Variants in VANGL1 observed in about 807,000 individuals in gnomAD.
The protein encoded by VANGL1 is VANGL planar cell polarity protein 1.
VANGL1 carries 18 observed loss-of-function variants against 48.4 expected under a neutral mutation model. The ratio of observed to expected loss-of-function variants is 0.37; its 90% confidence interval spans 0.26 to 0.55. The LOEUF (loss-of-function observed/expected upper bound fraction) is 0.55. Ranked by LOEUF, VANGL1 falls within the 20% of genes least tolerant of loss-of-function variation. VANGL1 has a pLI of 0.81. For synonymous variants in VANGL1, 257 were observed against 261.8 expected, an observed-to-expected ratio of 0.98 and a Z score of 0.18; for missense variants, 667 against 675.8, an observed-to-expected ratio of 0.99 and a Z score of 0.14.
rs1212193794 is a variant in VANGL1, at chr1:115,692,012, C to A, written c.*633C>A. 1 of 152,956 alleles carries A rather than the reference C, an allele frequency of 6.5e-6. No individual in the cohort carries two copies. The highest frequency in any genetic ancestry group is 1.5e-5 in the Non-Finnish European group (1 of 68,324). 9.5% of individuals were successfully genotyped at this position (152,956 alleles called of 1,614,324 possible). A position where few individuals can be genotyped will look rare whatever the true frequency, so the allele number is the denominator to read the frequency against. On this transcript the variant is annotated 3_prime_UTR_variant, in exon 8 of 8. Transcript: ENST00000355485. ...AAGAGAAAACCTACCTGCCCTGTTT[C>A]TGATCCCACCCCTCTGCTGGCTTGA...
intron 1 of VANGL1, among the ~76,000 whole-genome samples, chr1:115,648,511 G>T (rs1433779261): frequency 2.0e-5 from 3 of 152,208 alleles, no homozygotes; most frequent in Non-Finnish European, 4.4e-5. Flanking sequence ...GACAAGCCTG[G>T]AGTTGTCTTA....
chr1:115,667,924 G>A (rs189591170), intron 4 of VANGL1, among the ~76,000 whole-genome samples: 1 of 152,372 alleles, frequency 6.6e-6, no homozygotes, highest in Admixed American at 6.5e-5. Context: ...CTGGTTGAAT[G>A]TGAAATGGTA....
At position 115,692,580 on chromosome 1, in the gene VANGL1, C is replaced by CT. The variant is rs1653882759; in HGVS notation, c.*1202dup. ...AGTGGGGAGAAGGAAAATGGACACTCTACAGAGTTTGGGGAAGGGAGAGTA... is the reference window on the plus strand; with the variant it reads ...AGTGGGGAGAAGGAAAATGGACACTCTTACAGAGTTTGGGGAAGGGAGAGTA... On this transcript the variant is annotated 3_prime_UTR_variant, in exon 8 of 8. Transcript: ENST00000355485. 6.5e-6 allele frequency: 1 copy of CT among 152,732 alleles called. No homozygotes were observed. Among genetic ancestry groups the CT allele is most frequent in the African/African-American group, 2.4e-5 (1 of 41,442 alleles). 9.5% of individuals were successfully genotyped at this position (152,732 alleles called of 1,614,324 possible).
chr1:115,691,357 TAC>T lies in VANGL1; in HGVS notation c.1555_1556del (p.Gln519ValfsTer2). On this transcript the variant is annotated frameshift_variant, in exon 8 of 8. Transcript: ENST00000355485. LOFTEE classifies it high-confidence loss of function. ...AAATCTCACAAATTTGTCCTTCGCT[TAC>T]AGTCTGAGACATCCGTTTAAAAGTT... 3.1e-6 allele frequency: 5 copies of T among 1,614,110 alleles called. No homozygotes were observed. Among genetic ancestry groups the T allele is most frequent in the Non-Finnish European group, 4.2e-6 (5 of 1,180,034 alleles).
chr1:115,651,502 T>C lies in VANGL1; in HGVS notation c.71+18T>C. On this transcript the variant is annotated intron_variant, in intron 2 of 7. Transcript: ENST00000355485. ...AGACAAGGGTATGTAAGTTGTTCAT[T>C]ATTACACTTTTCCTTTTGGGGAAAC... is the stretch of plus-strand genomic sequence containing the variant. 6.2e-7 allele frequency: 1 copy of C among 1,610,680 alleles called. No homozygotes were observed. The highest frequency in any genetic ancestry group is 1.1e-5 in the South Asian group (1 of 90,990).
At position 115,695,613 on chromosome 1, in the gene VANGL1, C is replaced by T. The variant is rs1411698930; in HGVS notation, c.*4234C>T. 1 of 152,256 alleles carries T rather than the reference C, an allele frequency of 6.6e-6. No homozygotes were observed. The highest frequency in any genetic ancestry group is 2.4e-5 in the African/African-American group (1 of 41,414). 9.4% of individuals were successfully genotyped at this position (152,256 alleles called of 1,614,324 possible). A position where few individuals can be genotyped will look rare whatever the true frequency, so the allele number is the denominator to read the frequency against. Reference sequence around the variant, plus strand: ...ACATTTTGACAAAACATGTTTTGGTCAAAGAAAGGAAAGGCTACTAACACA... The same window carrying T: ...ACATTTTGACAAAACATGTTTTGGTTAAAGAAAGGAAAGGCTACTAACACA... On this transcript the variant is annotated 3_prime_UTR_variant, in exon 8 of 8. Coordinates refer to ENST00000355485, the MANE Select transcript of VANGL1 (RefSeq NM_138959.3).
rs376802628 is a variant in VANGL1 at position 115,653,327 on chromosome 1, C to G, written c.71+1843C>G. On this transcript the variant is annotated intron_variant, in intron 2 of 7. Transcript: ENST00000355485. ...CAGAGCCCAGCTCCTGAGACAGTCA[C>G]AAACCCTCTGGCCATAAGAATTGAA... Among the ~76,000 whole-genome samples the G allele has an allele frequency of 1.8e-4, 28 of 152,174 alleles. 3 individuals are homozygous for G. The highest frequency in any genetic ancestry group is 1.6e-3 in the Admixed American group (24 of 15,280).
intron 4 of VANGL1, among the ~76,000 whole-genome samples, chr1:115,667,947 C>T (rs1345022876): frequency 6.6e-6 from 1 of 152,194 alleles, no homozygotes; most frequent in Non-Finnish European, 1.5e-5. Flanking sequence ...ACAACAGAGA[C>T]AGATAAAGAA....
chr1:115,643,201 G>A (rs1021459812), intron 1 of VANGL1, among the ~76,000 whole-genome samples: 3 of 152,218 alleles, frequency 2.0e-5, no homozygotes, highest in Non-Finnish European at 4.4e-5. Context: ...AACTGTAAAA[G>A]AATCTGGCAT....
intron 7 of VANGL1, 134 bp downstream of exon 7, chr1:115,685,661 ATTCTCACTTATTTTATG>A: frequency 1.1e-6 from 1 of 939,692 alleles, no homozygotes; most frequent in Non-Finnish European, 1.7e-6. Context: ...AGAATTAGTG[ATTCTCACTTATTTTATG>A]TTATGTTAGT....
chr1:115,654,498 T>TAAAAAAAAAAAAAAAAAAAAAA (rs869142756), intron 2 of VANGL1, among the ~76,000 whole-genome samples: 1 of 90,822 alleles, frequency 1.1e-5, no homozygotes, highest in Non-Finnish European at 2.1e-5. Context: ...TTGGTAGGGC[T>TAAAAAAAAAAAAAAAAAAAAAA]AAAAAAAAAA....
rs116775192 is a variant in VANGL1 at position 115,652,788 on chromosome 1, T to C, written c.71+1304T>C. On this transcript the variant is annotated intron_variant, in intron 2 of 7. Transcript: ENST00000355485. ...TTATTTACAAGCCCATCTGGATTAC[T>C]AACGTAGAAAGAGGTTTGGGAGGGT... is the stretch of plus-strand genomic sequence containing the variant. 3.9e-3 allele frequency among the ~76,000 whole-genome samples: 598 copies of C among 152,322 alleles called. 4 individuals are homozygous for C. Among genetic ancestry groups the C allele is most frequent in the African/African-American group, 0.014 (578 of 41,574 alleles).
Position 115,664,233 on chromosome 1 carries a change from T to C in VANGL1, c.777T>C (p.Asp259=). Residue 259 remains aspartate (D), a synonymous_variant, in exon 4 of 8, where the codon GAT becomes GAC. Coordinates refer to ENST00000355485, the MANE Select transcript of VANGL1 (RefSeq NM_138959.3). ...CGCTGCAGGTGGTCCGCTCCACCGA[T>C]GGCGAGTCCCGCTTCTACAGCCTGG... ...MFTLQVVRST[D]GESRFYSLGH... 1 of 1,613,984 alleles carries C rather than the reference T, an allele frequency of 6.2e-7. No homozygotes were observed. Among genetic ancestry groups the C allele is most frequent in the Non-Finnish European group, 8.5e-7 (1 of 1,179,932 alleles).
rs1422913602 is a variant in VANGL1, at chr1:115,694,370, G to GGT, written c.*2996_*2997dup. The GGT allele has an allele frequency of 6.6e-6, 1 of 152,168 alleles. No individual in the cohort carries two copies. Among genetic ancestry groups the GGT allele is most frequent in the Admixed American group, 6.5e-5 (1 of 15,274 alleles). 9.4% of individuals were successfully genotyped at this position (152,168 alleles called of 1,614,324 possible). On this transcript the variant is annotated 3_prime_UTR_variant, in exon 8 of 8. Coordinates refer to ENST00000355485, the MANE Select transcript of VANGL1 (RefSeq NM_138959.3). ...GCAAATGGTAAGAGGCAGGTGACCT[G>GGT]GTGTGTTTGCTGTGTTGTAGTTCAT...
chr1:115,654,028 G>A (rs1412430181), intron 2 of VANGL1, among the ~76,000 whole-genome samples: 2 of 152,128 alleles, frequency 1.3e-5, no homozygotes, highest in Non-Finnish European at 2.9e-5. Flanking sequence ...CTTTGCTGGG[G>A]CCTAAAGGAT....
intron 3 of VANGL1, among the ~76,000 whole-genome samples, chr1:115,661,862 C>T (rs1240321951): frequency 6.6e-6 from 1 of 152,176 alleles, no homozygotes; most frequent in Non-Finnish European, 1.5e-5. Flanking sequence ...AGGTGATTTG[C>T]CTGCCTTGGC....
rs914919758 is a variant in VANGL1 at position 115,688,566 on chromosome 1, C to G, written c.1315-2553C>G. Reference sequence around the variant, plus strand: ...ATACTTTTTTACATATGTATTTGTACAAGTATTTCTGAAGCCTAAGTTTCA... The same window carrying G: ...ATACTTTTTTACATATGTATTTGTAGAAGTATTTCTGAAGCCTAAGTTTCA... On this transcript the variant is annotated intron_variant, in intron 7 of 7. Transcript: ENST00000355485. Among the ~76,000 whole-genome samples, 2 of 137,804 alleles carry G rather than the reference C, an allele frequency of 1.5e-5. 1 individual carries two copies. The highest frequency in any genetic ancestry group is 3.2e-5 in the Non-Finnish European group (2 of 63,254). 90.4% of individuals were successfully genotyped at this position (137,804 alleles called of 152,430 possible).
At chr1:115,659,576 AT>A in intron 2 of VANGL1, 64 bp from the exon 3 acceptor site, 10 of 1,608,228 alleles carry the variant, frequency 6.2e-6, no homozygotes, top group South Asian at 2.2e-5. Context: ...TGATACTTAC[AT>A]TTTGATAAAC....
Position 115,664,002 on chromosome 1 carries a change from G to A in VANGL1, c.546G>A (p.Val182=), listed in dbSNP as rs143094973. ...AGCGGAGAGCTGACATGCCACGGGT[G>A]TTTGTGTTTCGTGCCCTTTTGTTGG... ...FRKRRADMPR[V]FVFRALLLVL... Residue 182 remains valine (V), a synonymous_variant, in exon 4 of 8, where the codon GTG becomes GTA. Coordinates refer to ENST00000355485, the MANE Select transcript of VANGL1 (RefSeq NM_138959.3). 253 of 1,614,206 alleles carry A rather than the reference G, an allele frequency of 1.6e-4. No homozygotes were observed. In the African/African-American group the frequency reaches 2.2e-3, roughly 14 times the overall value.
Sources: gnomAD v4.1 joint callset for allele counts (sites outside exome capture counted in the v4.1 genomes callset) on GRCh38, gnomAD v4.1.1 for gene constraint, MANE v1.5 for transcripts, NCBI Gene and HGNC (gene_info 2026-07-23, HGNC 2026-07-21) for gene names.